Variants in RAPGEF5 observed in about 807,000 individuals in gnomAD.
RAPGEF5 encodes the protein Rap guanine nucleotide exchange factor 5.
A neutral mutation model predicts 125.2 loss-of-function variants in RAPGEF5; 65 were observed. That is an observed-to-expected ratio of 0.52 (90% CI 0.43 to 0.64). RAPGEF5 has a LOEUF of 0.64. Ranked by LOEUF, RAPGEF5 falls within the 30% of genes least tolerant of loss-of-function variation. The pLI is 0.00. For synonymous variants in RAPGEF5, 391 were observed against 385.9 expected (o/e 1.01, Z -0.16); for missense variants, 958 against 1,048.1 (o/e 0.91, Z 1.19).
chr7:22,144,063 G>T (rs183865542), intron 20 of RAPGEF5, among the ~76,000 whole-genome samples: 10 of 152,374 alleles, frequency 6.6e-5, no homozygotes, highest in Non-Finnish European at 1.3e-4. Context: ...AGCTGGGGAA[G>T]ATTTTGATTC....
chr7:22,193,566 G>A (rs1353451712), intron 10 of RAPGEF5, 111 bp from the exon 11 acceptor site: 4 of 1,551,598 alleles, frequency 2.6e-6, no homozygotes. Context: ...AAGGCACATC[G>A]AAGGTAGGCA....
chr7:22,279,016 C>G (rs142382180), intron 6 of RAPGEF5, among the ~76,000 whole-genome samples: 1 of 152,046 alleles, frequency 6.6e-6, no homozygotes, highest in African/African-American at 2.4e-5. Context: ...ATTCCTTACC[C>G]AGCTACATAG....
At position 22,154,557 on chromosome 7, in the gene RAPGEF5, C is replaced by T; in HGVS notation, c.1684G>A (p.Ala562Thr). The T allele has an allele frequency of 8.1e-6, 13 of 1,613,822 alleles. No homozygotes were observed. Among genetic ancestry groups the T allele is most frequent in the Non-Finnish European group, 9.3e-6 (11 of 1,179,796 alleles). The change falls in exon 17 of 26, where the codon GCA (alanine) becomes ACA (threonine). Residue 562 changes from alanine (A) to threonine (T), a missense_variant. Transcript: ENST00000665637. ...ITEHSYVSVK[A>T]KVSSIAQEIL... ...TCTTGGGCTATACTGGAAACTTTTG[C>T]CTTCACACTGACATAGGAGTGCTCT...
At chr7:22,200,162 T>C (rs940186391) in intron 9 of RAPGEF5, among the ~76,000 whole-genome samples, 8 of 152,150 alleles carry the variant, frequency 5.3e-5, no homozygotes, top group Non-Finnish European at 8.8e-5. Context: ...TCTGTGTCTG[T>C]TATACAAATG....
intron 6 of RAPGEF5, among the ~76,000 whole-genome samples, chr7:22,285,238 G>C (rs936686603): frequency 6.6e-6 from 1 of 152,154 alleles, no homozygotes; most frequent in African/African-American, 2.4e-5. Context: ...TTGAAGTACA[G>C]TTTCTACCAA....
chr7:22,336,091 TAGATC>T (rs1161873901), intron 1 of RAPGEF5, among the ~76,000 whole-genome samples: 2 of 152,194 alleles, frequency 1.3e-5, no homozygotes, highest in Non-Finnish European at 2.9e-5. Context: ...GCCTCCATCT[TAGATC>T]AGGCCCTCAA....
chr7:22,352,225 A>G (rs12531354), intron 1 of RAPGEF5, among the ~76,000 whole-genome samples: 1 of 152,194 alleles, frequency 6.6e-6, no homozygotes, highest in Non-Finnish European at 1.5e-5. Context: ...TTTTGACAGT[A>G]TATACAGAAA....
chr7:22,270,811 T>TA (rs1027059019), intron 6 of RAPGEF5, among the ~76,000 whole-genome samples: 1 of 152,198 alleles, frequency 6.6e-6, no homozygotes, highest in Admixed American at 6.5e-5. Flanking sequence ...TCAGATACAT[T>TA]AATATTTCTT....
intron 1 of RAPGEF5, among the ~76,000 whole-genome samples, chr7:22,355,057 A>G (rs1380711238): frequency 6.6e-6 from 1 of 152,232 alleles, no homozygotes; most frequent in African/African-American, 2.4e-5. Context: ...AATAGTCAAA[A>G]AGTATGGGTT....
chr7:22,322,498 A>T (rs995345679), intron 1 of RAPGEF5, among the ~76,000 whole-genome samples: 7 of 152,090 alleles, frequency 4.6e-5, no homozygotes, highest in African/African-American at 1.4e-4. Context: ...AAAAACTATG[A>T]GGTAGGTATT....
intron 8 of RAPGEF5, among the ~76,000 whole-genome samples, chr7:22,226,560 T>A (rs146728056): frequency 6.6e-6 from 1 of 152,162 alleles, no homozygotes; most frequent in Admixed American, 6.5e-5. Flanking sequence ...CTGTTAGGGA[T>A]AGAAGAATAT....
chr7:22,262,212 T>TA (rs1583528151), intron 7 of RAPGEF5, among the ~76,000 whole-genome samples: 1 of 149,752 alleles, frequency 6.7e-6, no homozygotes, highest in East Asian at 2.0e-4. Flanking sequence ...AACTCAACTA[T>TA]AAAAAACAAA....
intron 8 of RAPGEF5, among the ~76,000 whole-genome samples, chr7:22,221,257 A>G (rs989111199): frequency 6.6e-6 from 1 of 152,114 alleles, no homozygotes; most frequent in Non-Finnish European, 1.5e-5. Flanking sequence ...TTATCTTAAG[A>G]CAGTCTGTAC....
chr7:22,185,268 A>C (rs1784793771), intron 11 of RAPGEF5, among the ~76,000 whole-genome samples: 1 of 152,206 alleles, frequency 6.6e-6, no homozygotes, highest in Admixed American at 6.5e-5. Context: ...AAATGGGGAT[A>C]ATTATCTTGC....
chr7:22,214,338 A>G (rs1279589693), intron 9 of RAPGEF5, among the ~76,000 whole-genome samples: 2 of 152,182 alleles, frequency 1.3e-5, no homozygotes, highest in Non-Finnish European at 2.9e-5. Context: ...CAAGGGAGGG[A>G]TACAGACAGG....
At chr7:22,138,172 C>T (rs1783140331) in intron 21 of RAPGEF5, among the ~76,000 whole-genome samples, 1 of 152,026 alleles carries the variant, frequency 6.6e-6, no homozygotes, top group South Asian at 2.1e-4. Context: ...CACAAATGTC[C>T]CAGTGGCACC....
At chr7:22,171,026 T>C (rs1295227042) in intron 11 of RAPGEF5, among the ~76,000 whole-genome samples, 2 of 130,418 alleles carry the variant, frequency 1.5e-5, no homozygotes, top group East Asian at 4.0e-4. Context: ...GCATTCATGT[T>C]TTTTTTTTTT....
chr7:22,266,907 T>A, intron 7 of RAPGEF5, 57 bp downstream of exon 7: 1 of 1,518,742 alleles, frequency 6.6e-7, no homozygotes, highest in Non-Finnish European at 9.1e-7. Flanking sequence ...CCAGATGATA[T>A]GTGAAATACC....
At chr7:22,175,759 A>G (rs1784484239) in intron 11 of RAPGEF5, among the ~76,000 whole-genome samples, 1 of 152,214 alleles carries the variant, frequency 6.6e-6, no homozygotes, top group Non-Finnish European at 1.5e-5. Flanking sequence ...AATATCCTAA[A>G]TTAGAAGCCT....
Sources: allele counts gnomAD v4.1 joint callset (sites outside exome capture counted in the v4.1 genomes callset), GRCh38; gene constraint gnomAD v4.1.1; transcripts MANE v1.5; gene names NCBI Gene and HGNC (gene_info 2026-07-23, HGNC 2026-07-21).